Variants in COL23A1 observed in about 807,000 individuals in gnomAD.
The protein encoded by COL23A1 is collagen alpha-1(XXIII) chain.
In COL23A1, 97 loss-of-function variants were observed where a neutral mutation model predicts 99.3. The observed-to-expected ratio is 0.98, with a 90% CI of 0.83 to 1.16. The LOEUF is 1.16. Ranked by LOEUF, COL23A1 falls within the 50% of genes most tolerant of loss-of-function variation. The pLI is 0.00. For synonymous variants in COL23A1, 320 were observed against 308.2 expected (o/e 1.04, Z -0.40); for missense variants, 762 against 757.4 (o/e 1.01, Z -0.07).
intron 2 of COL23A1, among the ~76,000 whole-genome samples, chr5:178,514,190 C>A (rs1384140522): frequency 6.6e-6 from 1 of 152,224 alleles, no homozygotes; most frequent in African/African-American, 2.4e-5. Flanking sequence ...GCTTATTTCA[C>A]TCAGCATGAT....
chr5:178,541,784 C>T (rs1452593933), intron 2 of COL23A1, among the ~76,000 whole-genome samples: 1 of 152,184 alleles, frequency 6.6e-6, no homozygotes, highest in Non-Finnish European at 1.5e-5. Context: ...CAACTGCATG[C>T]AGCAACATAG....
chr5:178,287,242 G>A (rs1439797963), intron 5 of COL23A1, among the ~76,000 whole-genome samples: 2 of 152,172 alleles, frequency 1.3e-5, no homozygotes, highest in African/African-American at 2.4e-5. Context: ...TCTTACTTCC[G>A]CAGAGTCTGA....
intron 2 of COL23A1, among the ~76,000 whole-genome samples, chr5:178,523,181 C>CATATAT (rs375162340): frequency 8.9e-4 from 80 of 90,384 alleles, no homozygotes; most frequent in South Asian, 1.5e-3. Context: ...TATATATACA[C>CATATAT]ATATATATAT....
At position 178,501,938 on chromosome 5, in the gene COL23A1, C is replaced by T. The variant is rs545171790; in HGVS notation, c.361+58744G>A. Among the ~76,000 whole-genome samples the T allele has an allele frequency of 5.3e-5, 8 of 152,304 alleles. 1 individual carries two copies. The South Asian group carries it at 1.2e-3, about 24-fold the overall frequency. The stretch of plus-strand genomic sequence containing the variant: ...GGCACCCACCCTTCCCCTACAGGGC[C>T]GTGTCAGGGAAGGACGGCTAAAACA... On this transcript the variant is annotated intron_variant, in intron 2 of 28. Coordinates refer to ENST00000390654, the MANE Select transcript of COL23A1 (RefSeq NM_173465.4).
intron 25 of COL23A1, among the ~76,000 whole-genome samples, chr5:178,245,216 C>T (rs1157375973): frequency 2.8e-5 from 3 of 107,064 alleles, no homozygotes; most frequent in South Asian, 7.2e-4. Flanking sequence ...CATCATCTAT[C>T]ATCCATCCAT....
intron 2 of COL23A1, among the ~76,000 whole-genome samples, chr5:178,511,593 A>G (rs1759208941): frequency 6.6e-6 from 1 of 152,204 alleles, no homozygotes; most frequent in East Asian, 1.9e-4. Context: ...TCCCGGAGTA[A>G]GCCCTGGAGG....
chr5:178,266,751 G>A (rs565383978), intron 8 of COL23A1, among the ~76,000 whole-genome samples: 1 of 152,122 alleles, frequency 6.6e-6, no homozygotes, highest in African/African-American at 2.4e-5. Flanking sequence ...GCTCAGGGCC[G>A]CGGAGGTGCG....
chr5:178,369,079 C>T (rs1479167603), intron 2 of COL23A1, among the ~76,000 whole-genome samples: 4 of 152,220 alleles, frequency 2.6e-5, no homozygotes, highest in East Asian at 1.9e-4. Flanking sequence ...CTGCATCCGT[C>T]GGCCCCTTCT....
chr5:178,562,083 T>A (rs1448139263), intron 1 of COL23A1: 2 of 533,218 alleles, frequency 3.8e-6, no homozygotes, highest in Admixed American at 4.5e-5. Context: ...TCTCGCTGAC[T>A]TCAAAAAGGA....
chr5:178,353,700 G>A (rs1001181387), intron 2 of COL23A1, among the ~76,000 whole-genome samples: 1 of 152,160 alleles, frequency 6.6e-6, no homozygotes. Context: ...CTGCACAGAG[G>A]AGGCCAGGGT....
At chr5:178,386,170 G>A (rs1193204932) in intron 2 of COL23A1, among the ~76,000 whole-genome samples, 1 of 152,162 alleles carries the variant, frequency 6.6e-6, no homozygotes, top group East Asian at 1.9e-4. Context: ...CAGGCGCCGT[G>A]GCTCACACCT....
rs993112889 is a variant in COL23A1 at position 178,434,932 on chromosome 5, C to T, written c.361+125750G>A. The stretch of plus-strand genomic sequence containing the variant: ...GCAGGGCAGCCCAGCCCCGACCCTG[C>T]CGCCGGTCAAGACTGTGTTTCCCAG... On this transcript the variant is annotated intron_variant, in intron 2 of 28. Coordinates refer to ENST00000390654, the MANE Select transcript of COL23A1 (RefSeq NM_173465.4). The surrounding 1 kb of genome is among the most constrained non-coding windows in gnomAD (Gnocchi z 4.3). Among the ~76,000 whole-genome samples, 3 of 152,170 alleles carry T rather than the reference C, an allele frequency of 2.0e-5. No homozygotes were observed. The highest frequency in any genetic ancestry group is 4.8e-5 in the African/African-American group (2 of 41,520).
At chr5:178,406,861 T>G (rs940967196) in intron 2 of COL23A1, among the ~76,000 whole-genome samples, 6 of 152,218 alleles carry the variant, frequency 3.9e-5, no homozygotes, top group African/African-American at 1.4e-4. Flanking sequence ...TAAAATGTTA[T>G]AAAGCTACAA....
At chr5:178,585,212 G>A (rs1763866656) in intron 1 of COL23A1, among the ~76,000 whole-genome samples, 1 of 152,194 alleles carries the variant, frequency 6.6e-6, no homozygotes, top group Admixed American at 6.5e-5. Context: ...AGGCGGGCCA[G>A]TGGATGACTG....
rs149111143 is a variant in COL23A1 at position 178,366,464 on chromosome 5, T to C, written c.362-59545A>G. 9.9e-4 allele frequency among the ~76,000 whole-genome samples: 150 copies of C among 152,272 alleles called. No individual in the cohort carries two copies. The highest frequency in any genetic ancestry group is 3.4e-3 in the Middle Eastern group (1 of 294). ...GGCTGGTTCCAGTTTGGGGCCATCA[T>C]CTCTTGTGCATCTTTGCTCACGGCG... On this transcript the variant is annotated intron_variant, in intron 2 of 28. Coordinates refer to ENST00000390654, the MANE Select transcript of COL23A1 (RefSeq NM_173465.4). The surrounding 1 kb of genome is among the most constrained non-coding windows in gnomAD (Gnocchi z 4.4).
intron 9 of COL23A1, among the ~76,000 whole-genome samples, chr5:178,262,796 G>A (rs1399326279): frequency 1.3e-5 from 2 of 152,142 alleles, no homozygotes; most frequent in Non-Finnish European, 1.5e-5. Context: ...GTCAGCTTAG[G>A]GTCTCTGGGT....
In COL23A1 at chr5:178,519,766, T is replaced by C. The variant is rs781039339; in HGVS notation, c.361+40916A>G. Among the ~76,000 whole-genome samples the C allele has an allele frequency of 2.6e-5, 4 of 152,114 alleles. No individual in the cohort carries two copies. The East Asian group carries it at 7.7e-4, about 29-fold the overall frequency. On this transcript the variant is annotated intron_variant, in intron 2 of 28. Coordinates refer to ENST00000390654, the MANE Select transcript of COL23A1 (RefSeq NM_173465.4). ...CTGTGATAAATATTGTCTGGTGTAGTGGTTATTGGTTGAATGAATGAATGA... is the reference window on the plus strand; with the variant it reads ...CTGTGATAAATATTGTCTGGTGTAGCGGTTATTGGTTGAATGAATGAATGA...
chr5:178,322,816 C>T (rs973716402), intron 2 of COL23A1, among the ~76,000 whole-genome samples: 2 of 152,182 alleles, frequency 1.3e-5, no homozygotes, highest in East Asian at 1.9e-4. Context: ...GGGTTCCATG[C>T]GCAGCAACAC....
At chr5:178,553,613 C>T (rs577000183) in intron 2 of COL23A1, among the ~76,000 whole-genome samples, 1 of 152,340 alleles carries the variant, frequency 6.6e-6, no homozygotes, top group South Asian at 2.1e-4. Flanking sequence ...AATGTCCAGG[C>T]AGTTTGAGCC....
Sources: gnomAD v4.1 joint callset for allele counts (sites outside exome capture counted in the v4.1 genomes callset) on GRCh38, gnomAD v4.1.1 for gene constraint, Gnocchi (gnomAD v3.1) non-coding constraint, MANE v1.5 for transcripts, NCBI Gene and HGNC (gene_info 2026-07-23, HGNC 2026-07-21) for gene names.